Variants in DYNC1I1 observed in about 807,000 individuals in gnomAD.
The protein encoded by DYNC1I1 is dynein cytoplasmic 1 intermediate chain 1.
DYNC1I1 carries 43 observed loss-of-function variants against 86.6 expected under a neutral mutation model. The observed-to-expected ratio is 0.50, with a 90% CI of 0.39 to 0.64. DYNC1I1 has a LOEUF of 0.64. Among genes scored for constraint, DYNC1I1 ranks in the 30% least tolerant of loss-of-function variants. The pLI, the probability that DYNC1I1 is intolerant of heterozygous loss-of-function variation, is 0.00. For synonymous variants in DYNC1I1, 262 were observed against 283.7 expected (o/e 0.92, Z 0.77); for missense variants, 604 against 788.8 (o/e 0.77, Z 2.81).
intron 16 of DYNC1I1, among the ~76,000 whole-genome samples, chr7:96,087,046 G>A (rs1790702331): frequency 1.3e-5 from 2 of 151,516 alleles, no homozygotes; most frequent in African/African-American, 4.9e-5. Context: ...GCTAAAAAGG[G>A]TTTGAGTAAC....
chr7:95,908,674 G>T (rs1791240709), intron 6 of DYNC1I1, among the ~76,000 whole-genome samples: 1 of 152,086 alleles, frequency 6.6e-6, no homozygotes, highest in African/African-American at 2.4e-5. Context: ...GAGCCTCCTT[G>T]ATTGCTCACT....
intron 10 of DYNC1I1, 36 bp from the exon 11 acceptor site, chr7:96,028,139 A>T: frequency 6.2e-7 from 1 of 1,604,478 alleles, no homozygotes; most frequent in South Asian, 1.1e-5. Context: ...ACCATTTCAC[A>T]TTGCATCTCT....
chr7:95,885,440 G>A (rs1790568798), intron 6 of DYNC1I1, among the ~76,000 whole-genome samples: 1 of 152,086 alleles, frequency 6.6e-6, no homozygotes, highest in Admixed American at 6.6e-5. Flanking sequence ...GCCTCTCAAA[G>A]TGCTGGGATT....
At chr7:96,059,440 A>C (rs968804257) in intron 14 of DYNC1I1, among the ~76,000 whole-genome samples, 22 of 152,326 alleles carry the variant, frequency 1.4e-4, no homozygotes, top group Middle Eastern at 3.4e-3. Flanking sequence ...CAGGTACATC[A>C]GGGGACTCAA....
downstream of DYNC1I1, among the ~76,000 whole-genome samples, chr7:96,100,647 G>T (rs912320478): frequency 1.1e-4 from 9 of 81,782 alleles, no homozygotes; most frequent in Admixed American, 4.9e-4. Context: ...GACTTTGAGG[G>T]TTTTGTGTGT....
intron 16 of DYNC1I1, among the ~76,000 whole-genome samples, chr7:96,094,095 T>A (rs781165896): frequency 9.9e-5 from 15 of 152,226 alleles, no homozygotes; most frequent in Non-Finnish European, 1.8e-4. Context: ...GTTTTTTTAA[T>A]GCCAGTATTC....
At chr7:96,059,259 A>G (rs941687532) in intron 14 of DYNC1I1, among the ~76,000 whole-genome samples, 2 of 152,136 alleles carry the variant, frequency 1.3e-5, no homozygotes, top group Non-Finnish European at 2.9e-5. Flanking sequence ...GGCACTTAGG[A>G]ACACTAGACA....
rs181257471 is a variant in DYNC1I1 at position 95,827,921 on chromosome 7, G to T, written c.315-136G>T. 126 of 733,636 alleles carry T rather than the reference G, an allele frequency of 1.7e-4. No individual in the cohort carries two copies. In the East Asian group the frequency reaches 3.1e-3, roughly 18 times the overall value. 45.4% of individuals were successfully genotyped at this position (733,636 alleles called of 1,614,324 possible). The stretch of plus-strand genomic sequence containing the variant: ...TGTTTGATAGTCACTGGGGGTGGAG[G>T]GGATGGAAGGGGGACATGTTCTGTG... On this transcript the variant is annotated intron_variant, in intron 4 of 16. Coordinates refer to ENST00000447467, the MANE Select transcript of DYNC1I1 (RefSeq NM_001135556.2).
chr7:95,919,082 A>G (rs1159549526), intron 6 of DYNC1I1, among the ~76,000 whole-genome samples: 1 of 152,208 alleles, frequency 6.6e-6, no homozygotes, highest in Admixed American at 6.5e-5. Context: ...TTGAATGACA[A>G]CATGCTGATT....
chr7:95,802,345 C>G (rs189227455), intron 1 of DYNC1I1, among the ~76,000 whole-genome samples: 1 of 152,254 alleles, frequency 6.6e-6, no homozygotes, highest in Non-Finnish European at 1.5e-5. Context: ...TGGCTGTGCT[C>G]TCGCTAATGC....
At chr7:95,937,186 T>C (rs1327503726) in intron 6 of DYNC1I1, among the ~76,000 whole-genome samples, 2 of 151,994 alleles carry the variant, frequency 1.3e-5, no homozygotes, top group Non-Finnish European at 1.5e-5. Context: ...GGGGAGATGT[T>C]GGTTAAAGGG....
At chr7:95,857,779 A>G (rs1789765175) in intron 5 of DYNC1I1, among the ~76,000 whole-genome samples, 1 of 152,184 alleles carries the variant, frequency 6.6e-6, no homozygotes, top group African/African-American at 2.4e-5. Flanking sequence ...GCTTATCTAG[A>G]GTTTCTAAAA....
chr7:95,969,834 G>A (rs551125028), intron 6 of DYNC1I1, among the ~76,000 whole-genome samples: 13 of 152,166 alleles, frequency 8.5e-5, no homozygotes, highest in Admixed American at 1.3e-4. Context: ...TAACAGGAGT[G>A]CTCTGTACGA....
At chr7:95,855,039 A>G (rs1240195680) in intron 5 of DYNC1I1, among the ~76,000 whole-genome samples, 2 of 152,212 alleles carry the variant, frequency 1.3e-5, no homozygotes, top group African/African-American at 4.8e-5. Context: ...ATATATAAGG[A>G]GACAGCTTTA....
chr7:96,072,635 G>A (rs1225083787), intron 14 of DYNC1I1, among the ~76,000 whole-genome samples: 1 of 152,106 alleles, frequency 6.6e-6, no homozygotes, highest in Non-Finnish European at 1.5e-5. Context: ...ATCATCTCCA[G>A]CCTTTTCAAA....
At chr7:96,061,124 G>A (rs1383497400) in intron 14 of DYNC1I1, among the ~76,000 whole-genome samples, 1 of 152,194 alleles carries the variant, frequency 6.6e-6, no homozygotes, top group Admixed American at 6.5e-5. Context: ...TTGGAGACCA[G>A]AATGCGTTCA....
At chr7:95,901,519 T>G (rs1252252983) in intron 6 of DYNC1I1, among the ~76,000 whole-genome samples, 1 of 152,228 alleles carries the variant, frequency 6.6e-6, no homozygotes, top group East Asian at 1.9e-4. Context: ...GTTATTTTTC[T>G]TTTCTGTTTT....
chr7:95,799,592 C>CT (rs974884991), intron 1 of DYNC1I1, among the ~76,000 whole-genome samples: 23 of 149,084 alleles, frequency 1.5e-4, no homozygotes, highest in Middle Eastern at 7.0e-3. Flanking sequence ...GAGAAGTTTT[C>CT]TTTTTTTTTA....
intron 6 of DYNC1I1, among the ~76,000 whole-genome samples, chr7:95,954,915 CAA>C (rs58435060): frequency 0.023 from 1,855 of 81,756 alleles, 43 homozygotes; most frequent in African/African-American, 0.059. Context: ...GACTCTGTCT[CAA>C]AAAAAAAAAA....
Sources: gnomAD v4.1 joint callset for allele counts (sites outside exome capture counted in the v4.1 genomes callset) on GRCh38, gnomAD v4.1.1 for gene constraint, MANE v1.5 for transcripts, NCBI Gene and HGNC (gene_info 2026-07-23, HGNC 2026-07-21) for gene names.